WDR70: variants seen among roughly 807,000 people sequenced by gnomAD.
WDR70 encodes WD repeat-containing protein 70.
WDR70 carries 53 observed loss-of-function variants against 88.6 expected under a neutral mutation model. The observed-to-expected ratio is 0.60, with a 90% CI of 0.48 to 0.75. WDR70 has a LOEUF of 0.75. Ranked by LOEUF, WDR70 falls within the 30% of genes least tolerant of loss-of-function variation. The pLI is 0.00. For missense variants in WDR70, 610 were observed against 823.2 expected (o/e 0.74, Z 3.17); for synonymous variants, 280 against 270.0 (o/e 1.04, Z -0.36).
At chr5:37,447,914 T>C (rs1738553753) in intron 7 of WDR70, among the ~76,000 whole-genome samples, 2 of 152,126 alleles carry the variant, frequency 1.3e-5, no homozygotes. Flanking sequence ...TGTGCACATG[T>C]ACCCTAGAAC....
intron 7 of WDR70, among the ~76,000 whole-genome samples, chr5:37,453,322 A>G (rs904722881): frequency 6.6e-6 from 1 of 152,210 alleles, no homozygotes; most frequent in African/African-American, 2.4e-5. Flanking sequence ...ATTTATTAAC[A>G]GCAAGCCAGT....
chr5:37,429,141 T>C (rs1561848780), intron 5 of WDR70, among the ~76,000 whole-genome samples: 1 of 152,224 alleles, frequency 6.6e-6, no homozygotes, highest in Non-Finnish European at 1.5e-5. Flanking sequence ...GGCTAATGTG[T>C]GCATCATTTG....
At chr5:37,572,531 T>A (rs1478316738) in intron 9 of WDR70, among the ~76,000 whole-genome samples, 4 of 152,100 alleles carry the variant, frequency 2.6e-5, no homozygotes, top group Admixed American at 2.6e-4. Flanking sequence ...CTTCAGTGTA[T>A]CCGTCAGAGG....
intron 5 of WDR70, among the ~76,000 whole-genome samples, chr5:37,418,389 G>A (rs1230277359): frequency 2.6e-5 from 4 of 151,860 alleles, no homozygotes; most frequent in East Asian, 3.9e-4. Flanking sequence ...GCGTGATCTC[G>A]GCTCACTGCA....
intron 9 of WDR70, among the ~76,000 whole-genome samples, chr5:37,573,951 G>T (rs576959537): frequency 6.3e-4 from 96 of 152,202 alleles, no homozygotes; most frequent in African/African-American, 1.7e-3. Context: ...TGGTCTCCCA[G>T]GCTGCAAGAG....
At chr5:37,626,697 A>G (rs377193094) in intron 10 of WDR70, among the ~76,000 whole-genome samples, 12 of 152,182 alleles carry the variant, frequency 7.9e-5, no homozygotes, top group African/African-American at 1.9e-4. Flanking sequence ...AATTGGTATT[A>G]ATTCTTCTTT....
intron 10 of WDR70, among the ~76,000 whole-genome samples, chr5:37,656,614 G>A (rs1745563578): frequency 1.3e-5 from 2 of 152,346 alleles, no homozygotes; most frequent in East Asian, 1.9e-4. Context: ...CCTGACTGGG[G>A]CTGCTGCCTT....
intron 9 of WDR70, among the ~76,000 whole-genome samples, chr5:37,590,792 C>T (rs1039170858): frequency 6.6e-6 from 1 of 152,010 alleles, no homozygotes; most frequent in African/African-American, 2.4e-5. Context: ...CTGCAGATAC[C>T]TTGATTTCAG....
At chr5:37,561,065 A>G (rs1463488100) in intron 9 of WDR70, among the ~76,000 whole-genome samples, 1 of 152,052 alleles carries the variant, frequency 6.6e-6, no homozygotes, top group Non-Finnish European at 1.5e-5. Flanking sequence ...TGTCATTATT[A>G]CTGAGTCAAC....
intron 8 of WDR70, among the ~76,000 whole-genome samples, chr5:37,510,920 GGT>G (rs1740703062): frequency 6.6e-6 from 1 of 152,140 alleles, no homozygotes; most frequent in African/African-American, 2.4e-5. Flanking sequence ...GAAATGATAT[GGT>G]GTCCTCCTTT....
intron 11 of WDR70, 94 bp downstream of exon 11, chr5:37,697,848 T>G: frequency 9.4e-7 from 1 of 1,064,930 alleles, no homozygotes; most frequent in Non-Finnish European, 1.3e-6. Context: ...TAGTAAAGCT[T>G]GCTTTGATTT....
intron 9 of WDR70, among the ~76,000 whole-genome samples, chr5:37,553,376 T>TG (rs1256432910): frequency 1.3e-5 from 2 of 152,202 alleles, no homozygotes; most frequent in African/African-American, 4.8e-5. Context: ...ATCTGTATCC[T>TG]GTTCAGAATG....
chr5:37,468,125 A>G (rs926742663), intron 7 of WDR70, among the ~76,000 whole-genome samples: 19 of 152,356 alleles, frequency 1.2e-4, no homozygotes, highest in African/African-American at 4.1e-4. Context: ...GTAGGATTAC[A>G]GGCATGAGCC....
chr5:37,471,898 T>G (rs144590422), intron 7 of WDR70, among the ~76,000 whole-genome samples: 4 of 152,132 alleles, frequency 2.6e-5, no homozygotes, highest in African/African-American at 7.3e-5. Flanking sequence ...GTCTTTTTCT[T>G]GTCATATTGC....
At chr5:37,563,450 C>T (rs1465134144) in intron 9 of WDR70, among the ~76,000 whole-genome samples, 4 of 49,602 alleles carry the variant, frequency 8.1e-5, no homozygotes, top group Admixed American at 2.1e-4. Context: ...ACATCCTTCC[C>T]GGACGGGGCG....
intron 10 of WDR70, among the ~76,000 whole-genome samples, chr5:37,689,506 A>G (rs1746719866): frequency 6.6e-6 from 1 of 152,178 alleles, no homozygotes; most frequent in South Asian, 2.1e-4. Flanking sequence ...TCAGGCTGCA[A>G]TATTTGCTGT....
At chr5:37,456,584 T>C (rs1280006480) in intron 7 of WDR70, among the ~76,000 whole-genome samples, 3 of 152,210 alleles carry the variant, frequency 2.0e-5, no homozygotes, top group African/African-American at 7.2e-5. Flanking sequence ...TATTTGTGTT[T>C]TTTAGTTACT....
intron 5 of WDR70, among the ~76,000 whole-genome samples, chr5:37,420,224 GA>G (rs1308833133): frequency 6.6e-6 from 1 of 151,928 alleles, no homozygotes; most frequent in African/African-American, 2.4e-5. Context: ...AATAAAAAGA[GA>G]AAAAAGTAAG....
chr5:37,416,116 G>A (rs1388465375), intron 5 of WDR70, among the ~76,000 whole-genome samples: 17 of 152,102 alleles, frequency 1.1e-4, no homozygotes, highest in African/African-American at 3.6e-4. Context: ...GGTGGCGGCC[G>A]GGCAGAGGCT....
Sources: allele counts gnomAD v4.1 joint callset (sites outside exome capture counted in the v4.1 genomes callset), GRCh38; gene constraint gnomAD v4.1.1; transcripts MANE v1.5; gene names NCBI Gene and HGNC (gene_info 2026-07-23, HGNC 2026-07-21).